Variants in CFAP276 observed in about 807,000 individuals in gnomAD.
The protein encoded by CFAP276 is cilia and flagella associated protein 276, also known as cilia- and flagella-associated protein 276.
At chr1:109,113,413 AGAAAGAGAG>A in the CFAP276 span, among the ~76,000 whole-genome samples, 2 of 113,548 alleles carry the variant, frequency 1.8e-5, no homozygotes, top group Admixed American at 9.5e-5. Flanking sequence ...AGAGAGAGAG[AGAAAGAGAG>A]AGAGAGAGAG....
At chr1:109,107,222 G>C in the CFAP276 span, 2 of 836,562 alleles carry the variant, frequency 2.4e-6, no homozygotes, top group South Asian at 3.1e-5. Context: ...TATAGTGAAG[G>C]CTCTCTTGGG....
At chr1:109,112,466 G>C in the CFAP276 span, 1 of 1,326,368 alleles carries the variant, frequency 7.5e-7, no homozygotes, top group Non-Finnish European at 1.0e-6. Flanking sequence ...GAGGCAGGCA[G>C]AAAACAGACT....
chr1:109,113,415 AAAGAGAG>A, the CFAP276 span, among the ~76,000 whole-genome samples: 164 of 113,756 alleles, frequency 1.4e-3, 1 homozygote, highest in African/African-American at 5.4e-3. Context: ...AGAGAGAGAG[AAAGAGAG>A]AGAGAGAGAG....
chr1:109,106,222 G>T, the CFAP276 span: 1 of 845,492 alleles, frequency 1.2e-6, no homozygotes, highest in Non-Finnish European at 1.9e-6. Context: ...TGGGAAAACC[G>T]GCATATGGAG....
At chr1:109,113,610 C>T in the CFAP276 span, 1 of 1,613,192 alleles carries the variant, frequency 6.2e-7, no homozygotes, top group South Asian at 1.1e-5. Context: ...CCAGGAGTGG[C>T]CTTCGTAGGA....
At chr1:109,109,111 C>T in the CFAP276 span, among the ~76,000 whole-genome samples, 2 of 152,208 alleles carry the variant, frequency 1.3e-5, no homozygotes, top group African/African-American at 4.8e-5. Context: ...TGCTTGAATC[C>T]ACTATATCAT....
chr1:109,112,484 TAC>T, the CFAP276 span: 2 of 1,395,678 alleles, frequency 1.4e-6, no homozygotes, highest in African/African-American at 1.5e-5. Flanking sequence ...ACTTCCCTGG[TAC>T]CCGACTGAGT....
the CFAP276 span, among the ~76,000 whole-genome samples, chr1:109,109,147 T>A: frequency 6.6e-6 from 1 of 152,082 alleles, no homozygotes; most frequent in African/African-American, 2.4e-5. Context: ...TGAGTGCAAC[T>A]AACAACCTAT....
chr1:109,113,451 A>AGAGAGAGAGAGGGAGT, the CFAP276 span, among the ~76,000 whole-genome samples: 261 of 119,972 alleles, frequency 2.2e-3, 4 homozygotes, highest in East Asian at 0.015. Context: ...AGAGAGAGAG[A>AGAGAGAGAGAGGGAGT]GAGAGAGAGA....
chr1:109,108,007 C>G, the CFAP276 span: 1 of 1,582,310 alleles, frequency 6.3e-7, no homozygotes, highest in Non-Finnish European at 8.6e-7. Flanking sequence ...TGCTGCTGAG[C>G]AAGGTGTGTT....
the CFAP276 span, among the ~76,000 whole-genome samples, chr1:109,112,950 G>T: frequency 6.6e-6 from 1 of 152,136 alleles, no homozygotes; most frequent in African/African-American, 2.4e-5. Flanking sequence ...CCTGAGCCTC[G>T]GCGGAAAAGT....
At chr1:109,108,620 A>G in the CFAP276 span, among the ~76,000 whole-genome samples, 20 of 152,324 alleles carry the variant, frequency 1.3e-4, no homozygotes, top group African/African-American at 3.8e-4. Flanking sequence ...GCAGATAGGA[A>G]AAATGATGAG....
chr1:109,109,903 GA>G, the CFAP276 span, among the ~76,000 whole-genome samples: 4 of 152,088 alleles, frequency 2.6e-5, no homozygotes, highest in Non-Finnish European at 5.9e-5. Context: ...AATGAAGTAT[GA>G]AAGAAAGAAA....
the CFAP276 span, chr1:109,107,827 A>C: frequency 9.8e-7 from 1 of 1,024,108 alleles, no homozygotes; most frequent in South Asian, 1.6e-5. Flanking sequence ...ACGGTAAACC[A>C]TGATCAGGCC....
chr1:109,113,043 T>TC, the CFAP276 span, among the ~76,000 whole-genome samples: 1 of 152,114 alleles, frequency 6.6e-6, no homozygotes, highest in African/African-American at 2.4e-5. Context: ...AATTTCCTTC[T>TC]CCCTCGCACC....
chr1:109,113,420 GA>G, the CFAP276 span, among the ~76,000 whole-genome samples: 1 of 43,248 alleles, frequency 2.3e-5, no homozygotes, highest in South Asian at 1.3e-3. Flanking sequence ...GAGAGAAAGA[GA>G]GAGAGAGAGA....
At chr1:109,113,745 G>T in the CFAP276 span, 1 of 1,563,092 alleles carries the variant, frequency 6.4e-7, no homozygotes, top group Non-Finnish European at 8.8e-7. Flanking sequence ...CCCCTGGCCC[G>T]AAAGGGCAGT....
chr1:109,107,924 G>A, the CFAP276 span: 29 of 1,604,494 alleles, frequency 1.8e-5, 1 homozygote, highest in Middle Eastern at 6.7e-4. Flanking sequence ...TAGGTACCTC[G>A]GGATCAAAAT....
At chr1:109,113,801 G>C in the CFAP276 span, 9 of 1,057,542 alleles carry the variant, frequency 8.5e-6, no homozygotes, top group South Asian at 9.6e-5. Flanking sequence ...CTTCCACTGT[G>C]TTCTTCACAC....
Sources: gnomAD v4.1 joint callset for allele counts (sites outside exome capture counted in the v4.1 genomes callset) on GRCh38, gnomAD v4.1.1 for gene constraint, MANE v1.5 for transcripts, NCBI Gene and HGNC (gene_info 2026-07-23, HGNC 2026-07-21) for gene names.